Variants in NKTR observed in about 807,000 individuals in gnomAD.
The protein encoded by NKTR is NK-tumor recognition protein.
In NKTR, 67 loss-of-function variants were observed where a neutral mutation model predicts 156.3. The ratio of observed to expected loss-of-function variants is 0.43; its 90% CI spans 0.35 to 0.53. NKTR has a LOEUF of 0.53. Among genes scored for constraint, NKTR ranks in the 20% least tolerant of loss-of-function variants. The pLI, the probability that NKTR is intolerant of heterozygous loss-of-function variation, is 0.01. For synonymous variants in NKTR, 640 were observed against 596.6 expected (o/e 1.07, Z -1.06); for missense variants, 1,604 against 1,730.9 (o/e 0.93, Z 1.30).
chr3:42,636,518 T>A (rs573904964), intron 12 of NKTR, among the ~76,000 whole-genome samples: 1 of 152,384 alleles, frequency 6.6e-6, no homozygotes, highest in South Asian at 2.1e-4. Flanking sequence ...CCTCAAAAAC[T>A]GTCCTAGAGG....
intron 6 of NKTR, chr3:42,628,027 A>G (rs974181386): frequency 2.0e-6 from 2 of 985,248 alleles, no homozygotes; most frequent in Non-Finnish European, 2.4e-6. Context: ...TCCTCTGTTC[A>G]TCCACGTATT....
Position 42,639,168 on chromosome 3 carries a change from C to T in NKTR, c.3464C>T (p.Thr1155Ile). 2 of 1,614,030 alleles carry T rather than the reference C, an allele frequency of 1.2e-6. No homozygotes were observed. The highest frequency in any genetic ancestry group is 1.3e-5 in the African/African-American group (1 of 74,998). Residue 1155 changes from threonine to isoleucine, a missense_variant, in exon 13 of 17, where the codon ACC becomes ATC. Transcript: ENST00000232978. Reference sequence around the variant, plus strand: ...CCTCTAGGAAATGCACGGCTTGATACCCCAGATATAAACATTGTTTTGAAG... The same window carrying T: ...CCTCTAGGAAATGCACGGCTTGATATCCCAGATATAAACATTGTTTTGAAG... The part of the protein sequence containing the change: ...TSPLGNARLD[T>I]PDINIVLKQD...
rs1211372383 is a variant in NKTR at position 42,646,365 on chromosome 3, AAGG to A, written c.*393_*395del. 2 of 186,064 alleles carry A rather than the reference AAGG, an allele frequency of 1.1e-5. No individual in the cohort carries two copies. Among genetic ancestry groups the A allele is most frequent in the South Asian group, 1.0e-4 (1 of 9,540 alleles). 11.5% of individuals were successfully genotyped at this position (186,064 alleles called of 1,614,324 possible). A position where few individuals can be genotyped will look rare whatever the true frequency, so the allele number is the denominator to read the frequency against. On this transcript the variant is annotated 3_prime_UTR_variant, in exon 17 of 17. Coordinates refer to ENST00000232978, the MANE Select transcript of NKTR (RefSeq NM_005385.4). ...ATATGCTGCCAAGCATAGAACTGTG[AAGG>A]AGAACTGTTAAAGGCGGCCAAATAT... is the stretch of plus-strand genomic sequence containing the variant.
chr3:42,603,418 G>A (rs1319761638), intron 2 of NKTR, among the ~76,000 whole-genome samples: 1 of 147,664 alleles, frequency 6.8e-6, no homozygotes, highest in Admixed American at 6.8e-5. Context: ...AAAAATTTCT[G>A]TAGTTAAGTA....
chr3:42,610,291 C>T (rs1337754967), intron 2 of NKTR, among the ~76,000 whole-genome samples: 1 of 152,154 alleles, frequency 6.6e-6, no homozygotes, highest in Admixed American at 6.5e-5. Flanking sequence ...TAGGCGTGAG[C>T]TACCACGCCT....
At chr3:42,601,253 C>G in intron 2 of NKTR, 189 bp downstream of exon 2, 1 of 447,710 alleles carries the variant, frequency 2.2e-6, no homozygotes, top group Non-Finnish European at 4.0e-6. Flanking sequence ...ACTCGCAGTC[C>G]GGGCCTCTTC....
intron 2 of NKTR, among the ~76,000 whole-genome samples, chr3:42,604,949 C>G (rs924085850): frequency 2.6e-5 from 4 of 151,926 alleles, no homozygotes; most frequent in Non-Finnish European, 5.9e-5. Flanking sequence ...CTCGGCCTCT[C>G]GAAGTGCTGG....
chr3:42,633,770 C>A, intron 10 of NKTR, 35 bp downstream of exon 10: 1 of 1,611,704 alleles, frequency 6.2e-7, no homozygotes, highest in African/African-American at 1.3e-5. Context: ...ATTTTTATTT[C>A]TCCGATAACA....
At chr3:42,643,170 A>G (rs1178277047) in intron 14 of NKTR, among the ~76,000 whole-genome samples, 169 bp from the exon 15 acceptor site, 2 of 152,226 alleles carry the variant, frequency 1.3e-5, no homozygotes, top group Non-Finnish European at 2.9e-5. Context: ...ATGAAATCCA[A>G]TAGGCTTTTT....
intron 2 of NKTR, among the ~76,000 whole-genome samples, chr3:42,611,732 CAA>C (rs67202574): frequency 1.9e-4 from 21 of 108,572 alleles, no homozygotes; most frequent in Admixed American, 2.9e-4. Context: ...GACTCTGTCT[CAA>C]AAAAAAAAAA....
Position 42,632,583 on chromosome 3 carries a change from A to G in NKTR, c.551-18A>G, listed in dbSNP as rs772252703. On this transcript the variant is annotated intron_variant, in intron 8 of 16. Coordinates refer to ENST00000232978, the MANE Select transcript of NKTR (RefSeq NM_005385.4). ...CACTGAATTTAGTACTAATGTTTTT[A>G]TTAATGTTTCTTAAAAGTTTTTGAG... 1 of 1,516,730 alleles carries G rather than the reference A, an allele frequency of 6.6e-7. No individual in the cohort carries two copies. The highest frequency in any genetic ancestry group is 9.1e-7 in the Non-Finnish European group (1 of 1,104,696). The allele number at this position is 1,516,730 out of a possible 1,614,324, so 94.0% of individuals were successfully genotyped here.
rs1434826590 is a variant in NKTR at position 42,619,650 on chromosome 3, G to T, written c.242-14G>T. The T allele has an allele frequency of 1.2e-6, 2 of 1,604,478 alleles. No individual in the cohort carries two copies. Among genetic ancestry groups the T allele is most frequent in the Non-Finnish European group, 1.7e-6 (2 of 1,172,616 alleles). The stretch of plus-strand genomic sequence containing the variant: ...TAATGTTCATTATGGCTTAAAGTAG[G>T]TGATTATTTGCAGGTAATGGAAAAG... On this transcript the variant is annotated splice_polypyrimidine_tract_variant and intron_variant, in intron 4 of 16. Transcript: ENST00000232978.
In NKTR at chr3:42,620,861, C is replaced by G. The variant is rs945448766; in HGVS notation, c.287-568C>G. ...TATTTTGCTATTTAAATTTTTGTTT[C>G]ACAGGGCTTTCTTCCTTAGATAATT... On this transcript the variant is annotated intron_variant, in intron 5 of 16. Coordinates refer to ENST00000232978, the MANE Select transcript of NKTR (RefSeq NM_005385.4). 4 of 976,590 alleles carry G rather than the reference C, an allele frequency of 4.1e-6. No homozygotes were observed. In the African/African-American group the frequency reaches 7.0e-5, roughly 17 times the overall value. The allele number at this position is 976,590 out of a possible 1,614,324, so 60.5% of individuals were successfully genotyped here.
At chr3:42,634,479 T>C (rs544658759) in intron 10 of NKTR, 134 bp from the exon 11 acceptor site, 5 of 517,934 alleles carry the variant, frequency 9.7e-6, no homozygotes, top group East Asian at 3.1e-5. Flanking sequence ...AAGCCTGATA[T>C]TGTCTTGTTT....
At chr3:42,624,544 ATTCTGT>A (rs1559567510) in intron 6 of NKTR, among the ~76,000 whole-genome samples, 1 of 152,104 alleles carries the variant, frequency 6.6e-6, no homozygotes, top group Non-Finnish European at 1.5e-5. Context: ...CAACCTTTTC[ATTCTGT>A]AGATTATGCT....
chr3:42,607,036 A>G (rs1706307402), intron 2 of NKTR, among the ~76,000 whole-genome samples: 1 of 144,170 alleles, frequency 6.9e-6, no homozygotes, highest in African/African-American at 2.7e-5. Flanking sequence ...TTACCCTCAT[A>G]TGAAGATACC....
intron 6 of NKTR, among the ~76,000 whole-genome samples, chr3:42,625,919 G>C (rs1431464391): frequency 1.3e-5 from 2 of 152,076 alleles, no homozygotes; most frequent in Non-Finnish European, 2.9e-5. Context: ...CTTAACATTA[G>C]TGCTGAATTT....
chr3:42,626,880 G>A (rs1282509604), intron 6 of NKTR, among the ~76,000 whole-genome samples: 1 of 152,036 alleles, frequency 6.6e-6, no homozygotes, highest in Non-Finnish European at 1.5e-5. Context: ...TTGAGAAAAT[G>A]TTGTCTTAGC....
At chr3:42,605,652 C>T (rs563474014) in intron 2 of NKTR, among the ~76,000 whole-genome samples, 22 of 152,242 alleles carry the variant, frequency 1.4e-4, no homozygotes, top group African/African-American at 5.1e-4. Flanking sequence ...GCTCATACTT[C>T]GAGTGAGGTA....
Sources: allele counts gnomAD v4.1 joint callset (sites outside exome capture counted in the v4.1 genomes callset), GRCh38; gene constraint gnomAD v4.1.1; transcripts MANE v1.5; gene names NCBI Gene and HGNC (gene_info 2026-07-23, HGNC 2026-07-21).